The following FSTL5 variants were observed in gnomAD, a reference collection of about 807,000 sequenced individuals.
The protein encoded by FSTL5 is follistatin like 5, also known as follistatin-related protein 5.
FSTL5 carries 62 observed loss-of-function variants against 89.1 expected under a neutral mutation model. The observed-to-expected ratio is 0.70, with a 90% CI of 0.57 to 0.86. The LOEUF is 0.86. Ranked by LOEUF, FSTL5 falls within the 40% of genes least tolerant of loss-of-function variation. The pLI is 0.00. For missense variants in FSTL5, 1,057 were observed against 1,001.6 expected (o/e 1.06, Z -0.75); for synonymous variants, 383 against 346.2 (o/e 1.11, Z -1.18).
chr4:161,830,678 T>C (rs747499960), intron 4 of FSTL5, among the ~76,000 whole-genome samples: 2 of 152,024 alleles, frequency 1.3e-5, no homozygotes, highest in Non-Finnish European at 2.9e-5. Flanking sequence ...ATAAAAAGTG[T>C]CCCTTGATGA....
chr4:161,809,964 G>A (rs532268753), intron 4 of FSTL5, among the ~76,000 whole-genome samples: 4 of 152,204 alleles, frequency 2.6e-5, no homozygotes, highest in Non-Finnish European at 4.4e-5. Flanking sequence ...TTTGATTATT[G>A]AGTAATAGAC....
chr4:162,153,668 G>GTATATAATAA (rs1561048819), intron 1 of FSTL5, among the ~76,000 whole-genome samples: 1 of 126,700 alleles, frequency 7.9e-6, no homozygotes, highest in Non-Finnish European at 1.7e-5. Context: ...TATAATATAT[G>GTATATAATAA]TATATTATAT....
At chr4:162,115,809 C>T (rs1731615710) in intron 1 of FSTL5, among the ~76,000 whole-genome samples, 1 of 152,250 alleles carries the variant, frequency 6.6e-6, no homozygotes, top group African/African-American at 2.4e-5. Flanking sequence ...CATGGCAAAA[C>T]ATGCCATGCT....
chr4:162,103,514 T>C (rs1731085489), intron 2 of FSTL5, among the ~76,000 whole-genome samples: 1 of 152,212 alleles, frequency 6.6e-6, no homozygotes, highest in East Asian at 1.9e-4. Flanking sequence ...CTGCACATCT[T>C]GTGAGCAGAG....
intron 6 of FSTL5, among the ~76,000 whole-genome samples, chr4:161,656,998 C>A (rs11724691): frequency 0.21 from 32,283 of 152,038 alleles, 3,998 homozygotes; most frequent in Non-Finnish European, 0.26. Context: ...GTTCGCTGAC[C>A]AAACAGCAAT....
chr4:161,806,046 A>G (rs191609128), intron 4 of FSTL5, among the ~76,000 whole-genome samples: 6 of 152,230 alleles, frequency 3.9e-5, no homozygotes, highest in Admixed American at 3.9e-4. Context: ...ATAGGGAAAA[A>G]CAGTACACAT....
At chr4:162,144,505 A>T (rs927876567) in intron 1 of FSTL5, among the ~76,000 whole-genome samples, 9 of 152,162 alleles carry the variant, frequency 5.9e-5, no homozygotes, top group Non-Finnish European at 8.8e-5. Flanking sequence ...CAATCACTCA[A>T]ATACAGAGTG....
In FSTL5 at chr4:161,996,214, T is replaced by C. The variant is rs186100593; in HGVS notation, c.160+37411A>G. Among the ~76,000 whole-genome samples, 5 of 152,344 alleles carry C rather than the reference T, an allele frequency of 3.3e-5. No homozygotes were observed. The South Asian group carries it at 8.3e-4, about 25-fold the overall frequency. On this transcript the variant is annotated intron_variant, in intron 3 of 15. Transcript: ENST00000306100. ...TGCCCAAAGTAATCTATTCTGCACA[T>C]GGCAAAGCCCCATTTTAACCATAAG...
At chr4:161,791,662 T>C (rs998422049) in intron 4 of FSTL5, among the ~76,000 whole-genome samples, 1 of 152,186 alleles carries the variant, frequency 6.6e-6, no homozygotes, top group South Asian at 2.1e-4. Flanking sequence ...TGGGTATCAG[T>C]AGAAAATTCA....
intron 13 of FSTL5, among the ~76,000 whole-genome samples, chr4:161,471,537 G>T (rs1398953155): frequency 6.6e-6 from 1 of 152,114 alleles, no homozygotes; most frequent in Non-Finnish European, 1.5e-5. Flanking sequence ...TTTTTGTCTG[G>T]CTTTAGTATC....
intron 15 of FSTL5, among the ~76,000 whole-genome samples, chr4:161,427,250 T>C (rs1732195690): frequency 6.6e-6 from 1 of 152,238 alleles, no homozygotes; most frequent in Non-Finnish European, 1.5e-5. Context: ...AGCCATATTA[T>C]ATGCTATGTC....
chr4:161,887,457 AGTCTATCT>A (rs1235412776), intron 4 of FSTL5, among the ~76,000 whole-genome samples: 1 of 147,208 alleles, frequency 6.8e-6, no homozygotes, highest in Non-Finnish European at 1.5e-5. Context: ...ATAATCTATC[AGTCTATCT>A]GTCTGTTTTT....
At chr4:161,995,287 A>G (rs1409093167) in intron 3 of FSTL5, among the ~76,000 whole-genome samples, 19 of 152,144 alleles carry the variant, frequency 1.2e-4, no homozygotes, top group Admixed American at 9.8e-4. Context: ...ACTTAGAACT[A>G]CTCTATTGGA....
At chr4:162,125,305 C>A (rs1227698318) in intron 1 of FSTL5, among the ~76,000 whole-genome samples, 1 of 151,850 alleles carries the variant, frequency 6.6e-6, no homozygotes, top group Non-Finnish European at 1.5e-5. Context: ...AGAAAAACTA[C>A]CTTTGCAGTT....
intron 4 of FSTL5, among the ~76,000 whole-genome samples, chr4:161,852,366 A>T (rs1051349746): frequency 9.9e-5 from 15 of 152,220 alleles, no homozygotes; most frequent in Non-Finnish European, 1.5e-5. Flanking sequence ...TAGAATAAAC[A>T]AGGTGAAATT....
chr4:162,131,626 G>A (rs940929973), intron 1 of FSTL5, among the ~76,000 whole-genome samples: 2 of 152,178 alleles, frequency 1.3e-5, no homozygotes, highest in African/African-American at 4.8e-5. Flanking sequence ...TGCAATTGGA[G>A]AGTACCTACT....
chr4:161,619,975 G>T (rs1735057440), intron 7 of FSTL5, among the ~76,000 whole-genome samples: 1 of 152,080 alleles, frequency 6.6e-6, no homozygotes, highest in Non-Finnish European at 1.5e-5. Flanking sequence ...TTGAGAGAAT[G>T]TGGCACATAT....
chr4:161,933,739 T>C (rs761618529), intron 3 of FSTL5, among the ~76,000 whole-genome samples: 32 of 152,084 alleles, frequency 2.1e-4, no homozygotes, highest in Non-Finnish European at 3.8e-4. Context: ...CCCTTATAAG[T>C]GGTTTCAGAG....
intron 10 of FSTL5, among the ~76,000 whole-genome samples, chr4:161,532,236 T>C (rs144238521): frequency 1.3e-5 from 2 of 151,604 alleles, no homozygotes; most frequent in East Asian, 3.9e-4. Flanking sequence ...AGAAAACAAA[T>C]GTGAGTCAGA....
Sources: gnomAD v4.1 joint callset for allele counts (sites outside exome capture counted in the v4.1 genomes callset) on GRCh38, gnomAD v4.1.1 for gene constraint, MANE v1.5 for transcripts, NCBI Gene and HGNC (gene_info 2026-07-23, HGNC 2026-07-21) for gene names.